Variants in PXK observed in about 807,000 individuals in gnomAD.
PXK encodes the protein PX domain-containing protein kinase-like protein.
PXK carries 35 observed loss-of-function variants against 84.7 expected under a neutral mutation model. The ratio of observed to expected loss-of-function variants is 0.41; its 90% CI spans 0.32 to 0.55. The LOEUF is 0.55. PXK is among the 20% of genes least tolerant of loss of function. The probability of loss-of-function intolerance (pLI) is 0.21; values close to 1 mark genes in which losing one functional copy is unlikely to be tolerated. For missense variants in PXK, 634 were observed against 699.7 expected (o/e 0.91, Z 1.06); for synonymous variants, 253 against 260.8 (o/e 0.97, Z 0.29).
chr3:58,417,529 G>T (rs1220760032), intron 17 of PXK, among the ~76,000 whole-genome samples: 2 of 152,148 alleles, frequency 1.3e-5, no homozygotes, highest in East Asian at 3.9e-4. Flanking sequence ...GCTGATGGGA[G>T]AAATATCCTT....
intron 17 of PXK, chr3:58,420,521 C>T (rs1367064663): frequency 1.2e-5 from 18 of 1,535,690 alleles, no homozygotes; most frequent in Non-Finnish European, 1.4e-5. Flanking sequence ...CTCTCTCTCT[C>T]TTTGCTGTTT....
At chr3:58,384,905 A>G (rs2098538651) in intron 4 of PXK, among the ~76,000 whole-genome samples, 1 of 152,208 alleles carries the variant, frequency 6.6e-6, no homozygotes, top group African/African-American at 2.4e-5. Flanking sequence ...GAGCAGATGT[A>G]TCATGTCTAA....
rs960351899 is a variant in PXK, at chr3:58,335,912, C to T, written c.102+2822C>T. ...ATTTGTAAAATGTATTCCTTCCTCC[C>T]TCCATCTCTTCACTCCCTGACAACA... is the stretch of plus-strand genomic sequence containing the variant. On this transcript the variant is annotated intron_variant, in intron 1 of 17. Coordinates refer to ENST00000356151, the MANE Select transcript of PXK (RefSeq NM_017771.5). 3.3e-5 allele frequency among the ~76,000 whole-genome samples: 5 copies of T among 151,358 alleles called. No homozygotes were observed. In the South Asian group the frequency reaches 6.3e-4, roughly 19 times the overall value.
chr3:58,339,056 A>G (rs1254919452), intron 1 of PXK, among the ~76,000 whole-genome samples: 1 of 152,134 alleles, frequency 6.6e-6, no homozygotes, highest in Non-Finnish European at 1.5e-5. Context: ...CTATGTGGTT[A>G]TGTATTTTTC....
rs114790999 is a variant in PXK at position 58,376,784 on chromosome 3, C to T, written c.202-5730C>T. Among the ~76,000 whole-genome samples the T allele has an allele frequency of 2.9e-3, 437 of 152,164 alleles. 1 individual carries two copies. Among genetic ancestry groups the T allele is most frequent in the African/African-American group, 0.01 (422 of 41,500 alleles). On this transcript the variant is annotated intron_variant, in intron 3 of 17. Coordinates refer to ENST00000356151, the MANE Select transcript of PXK (RefSeq NM_017771.5). ...CCTCCTGAGGAGCTGAAATTACAGTCGTGTACCACCATGCCTGACTAGTTT... is the reference window on the plus strand; with the variant it reads ...CCTCCTGAGGAGCTGAAATTACAGTTGTGTACCACCATGCCTGACTAGTTT...
chr3:58,374,641 A>G (rs760193523), intron 3 of PXK, among the ~76,000 whole-genome samples: 3 of 152,206 alleles, frequency 2.0e-5, no homozygotes, highest in African/African-American at 2.4e-5. Flanking sequence ...GCTTGAAGTC[A>G]TCAGTGTGGA....
rs1401922784 is a variant in PXK at position 58,333,662 on chromosome 3, G to A, written c.102+572G>A. 2.2e-6 allele frequency: 1 copy of A among 456,618 alleles called. No homozygotes were observed. The highest frequency in any genetic ancestry group is 2.3e-5 in the Admixed American group (1 of 42,574). The allele number at this position is 456,618 out of a possible 1,614,324, so 28.3% of individuals were successfully genotyped here. ...GCCCTGGTCCCGGGAAGTGGTGGGG[G>A]CGGCAGTCGGGGCGCTGTTAAGCAG... On this transcript the variant is annotated intron_variant, in intron 1 of 17. Transcript: ENST00000356151. This position sits in a 1 kb window ranked among gnomAD's most constrained non-coding sequence, Gnocchi z 5.4.
intron 1 of PXK, among the ~76,000 whole-genome samples, chr3:58,339,960 G>A (rs759573962): frequency 1.3e-5 from 2 of 148,290 alleles, no homozygotes; most frequent in African/African-American, 2.5e-5. Flanking sequence ...GATTACAGGC[G>A]ACTGCCACCA....
chr3:58,378,502 T>C lies in PXK; in HGVS notation c.202-4012T>C, dbSNP rs1278325272. ...GACTTCATTTTTCTTCTTTTTTTTT[T>C]TTTTTTTTTTTGTGTGTGTGTGTGT... is the stretch of plus-strand genomic sequence containing the variant. On this transcript the variant is annotated intron_variant, in intron 3 of 17. Transcript: ENST00000356151. 8.0e-4 allele frequency among the ~76,000 whole-genome samples: 58 copies of C among 72,946 alleles called. 1 individual carries two copies. Among genetic ancestry groups the C allele is most frequent in the African/African-American group, 9.9e-4 (19 of 19,250 alleles). 47.9% of individuals were successfully genotyped at this position (72,946 alleles called of 152,430 possible). A position where few individuals can be genotyped will look rare whatever the true frequency, so the allele number is the denominator to read the frequency against.
At chr3:58,358,624 C>G (rs1354478121) in intron 1 of PXK, among the ~76,000 whole-genome samples, 1 of 152,138 alleles carries the variant, frequency 6.6e-6, no homozygotes, top group Non-Finnish European at 1.5e-5. Context: ...TCAGATGGCT[C>G]TTTGTTGTGG....
At position 58,425,051 on chromosome 3, in the gene PXK, C is replaced by T; in HGVS notation, c.*91C>T. 1 of 1,522,586 alleles carries T rather than the reference C, an allele frequency of 6.6e-7. No homozygotes were observed. Among genetic ancestry groups the T allele is most frequent in the South Asian group, 1.3e-5 (1 of 78,232 alleles). The allele number at this position is 1,522,586 out of a possible 1,614,324, so 94.3% of individuals were successfully genotyped here. ...TACCCTCTTCCTGGGAAAGTAATTGCTGAGCCAGTACAGCCACAAACAGTA... is the reference window on the plus strand; with the variant it reads ...TACCCTCTTCCTGGGAAAGTAATTGTTGAGCCAGTACAGCCACAAACAGTA... On this transcript the variant is annotated 3_prime_UTR_variant, in exon 18 of 18. Transcript: ENST00000356151.
rs971225888 is a variant in PXK, at chr3:58,397,008, G to A, written c.823-31G>A. The A allele has an allele frequency of 6.1e-5, 97 of 1,585,472 alleles. No homozygotes were observed. The highest frequency in any genetic ancestry group is 8.0e-5 in the Non-Finnish European group (93 of 1,161,188). ...TGTCTTATATCTGAATGAGTTTGGG[G>A]AAAATGTAACTTTCCCATATGTTTT... On this transcript the variant is annotated intron_variant, in intron 9 of 17. Coordinates refer to ENST00000356151, the MANE Select transcript of PXK (RefSeq NM_017771.5). The surrounding 1 kb of genome is among the most constrained non-coding windows in gnomAD (Gnocchi z 4.7).
Position 58,400,307 on chromosome 3 carries a change from T to C in PXK, c.1181+930T>C, listed in dbSNP as rs1576575125. ...GATCTTTTTTGAATATCACACACCA[T>C]GCAGTGTATCTGGTGCTTTGTCTGC... is the stretch of plus-strand genomic sequence containing the variant. On this transcript the variant is annotated intron_variant, in intron 12 of 17. Transcript: ENST00000356151. The surrounding 1 kb of genome is among the most constrained non-coding windows in gnomAD (Gnocchi z 4.0). Among the ~76,000 whole-genome samples the C allele has an allele frequency of 6.6e-6, 1 of 152,306 alleles. No individual in the cohort carries two copies. The highest frequency in any genetic ancestry group is 2.1e-4 in the South Asian group (1 of 4,826).
intron 1 of PXK, among the ~76,000 whole-genome samples, chr3:58,363,744 T>C (rs926470423): frequency 3.3e-5 from 5 of 152,206 alleles, no homozygotes; most frequent in African/African-American, 1.2e-4. Context: ...GTTTATTTCT[T>C]TTCCTATTTT....
intron 1 of PXK, among the ~76,000 whole-genome samples, chr3:58,343,096 G>A (rs2097765220): frequency 6.6e-6 from 1 of 152,198 alleles, no homozygotes; most frequent in South Asian, 2.1e-4. Flanking sequence ...TGTTGGTATG[G>A]GAGAATCCTG....
At chr3:58,389,873 C>G (rs2098605921) in intron 4 of PXK, among the ~76,000 whole-genome samples, 1 of 151,762 alleles carries the variant, frequency 6.6e-6, no homozygotes, top group Non-Finnish European at 1.5e-5. Flanking sequence ...GTGGCGCATG[C>G]CTGTAATCCT....
At chr3:58,389,559 G>A (rs4076852) in intron 4 of PXK, among the ~76,000 whole-genome samples, 99,516 of 151,958 alleles carry the variant, frequency 0.65, 33,321 homozygotes, top group East Asian at 0.81. Context: ...GCAGTGGTTC[G>A]TGGTTGTATT....
intron 17 of PXK, among the ~76,000 whole-genome samples, chr3:58,424,052 T>C (rs938888418): frequency 1.3e-5 from 2 of 152,202 alleles, no homozygotes; most frequent in African/African-American, 4.8e-5. Flanking sequence ...TTGAGAAGGA[T>C]TTCTCTGTAA....
intron 17 of PXK, 49 bp downstream of exon 17, chr3:58,413,012 A>AAGGT: frequency 6.3e-7 from 1 of 1,594,138 alleles, no homozygotes; most frequent in Non-Finnish European, 8.6e-7. Context: ...CGCCAACAGG[A>AAGGT]GGAGCGGGCT....
Sources: gnomAD v4.1 joint callset for allele counts (sites outside exome capture counted in the v4.1 genomes callset) on GRCh38, gnomAD v4.1.1 for gene constraint, Gnocchi (gnomAD v3.1) non-coding constraint, MANE v1.5 for transcripts, NCBI Gene and HGNC (gene_info 2026-07-23, HGNC 2026-07-21) for gene names.